The following NEDD4 variants were observed in gnomAD, a reference collection of about 807,000 sequenced individuals.
NEDD4 encodes the protein NEDD4 E3 ubiquitin protein ligase.
NEDD4 carries 99 observed loss-of-function variants against 144.9 expected under a neutral mutation model. The ratio of observed to expected loss-of-function variants is 0.68; its 90% CI spans 0.58 to 0.81. NEDD4 has a LOEUF of 0.81. Among genes scored for constraint, NEDD4 ranks in the 30% least tolerant of loss-of-function variants. The probability of loss-of-function intolerance (pLI) is 0.00; values close to 1 mark genes in which losing one functional copy is unlikely to be tolerated. For synonymous variants in NEDD4, 318 were observed against 350.6 expected (o/e 0.91, Z 1.04); for missense variants, 985 against 1,065.9 (o/e 0.92, Z 1.06).
chr15:55,894,299 T>C (rs1261505850), intron 5 of NEDD4, among the ~76,000 whole-genome samples: 1 of 152,242 alleles, frequency 6.6e-6, no homozygotes, highest in Non-Finnish European at 1.5e-5. Flanking sequence ...AGTATTTACA[T>C]AGTGTTTACA....
chr15:55,901,624 G>C (rs1369558898), intron 5 of NEDD4, among the ~76,000 whole-genome samples: 10 of 152,120 alleles, frequency 6.6e-5, no homozygotes. Flanking sequence ...TGCTTCCCCA[G>C]ATTCGTGGTC....
intron 1 of NEDD4, among the ~76,000 whole-genome samples, chr15:55,986,723 G>A (rs1272295757): frequency 1.3e-5 from 2 of 150,876 alleles, no homozygotes. Flanking sequence ...CCGAGTAGCT[G>A]GGACTACAGG....
intron 2 of NEDD4, among the ~76,000 whole-genome samples, chr15:55,966,223 G>A (rs1285231782): frequency 6.6e-6 from 1 of 152,136 alleles, no homozygotes; most frequent in Admixed American, 6.5e-5. Flanking sequence ...TTAGAATTTT[G>A]CAAATTTCCA....
chr15:55,988,487 TAAAAAAAAA>T (rs56688563), intron 1 of NEDD4, among the ~76,000 whole-genome samples: 1 of 101,712 alleles, frequency 9.8e-6, no homozygotes, highest in East Asian at 2.9e-4. Context: ...AAAAAAAAAT[TAAAAAAAAA>T]AAAAAAAAAA....
chr15:55,966,182 T>C (rs71476759), intron 2 of NEDD4, among the ~76,000 whole-genome samples: 5 of 152,222 alleles, frequency 3.3e-5, no homozygotes, highest in African/African-American at 1.2e-4. Context: ...GTCCAGAGTT[T>C]ATGGTTGTTA....
intron 5 of NEDD4, among the ~76,000 whole-genome samples, chr15:55,893,896 T>C (rs892086344): frequency 2.0e-5 from 3 of 151,484 alleles, no homozygotes; most frequent in Non-Finnish European, 2.9e-5. Context: ...ATAAACAAAA[T>C]TGCATTTGTA....
chr15:55,840,774 A>T (rs371344503), intron 19 of NEDD4, 47 bp from the exon 20 acceptor site: 1 of 1,545,344 alleles, frequency 6.5e-7, no homozygotes, highest in Non-Finnish European at 8.8e-7. Flanking sequence ...AAACTTTAAT[A>T]TGACAAATAA....
chr15:55,831,163 G>T (rs1595718753), intron 27 of NEDD4, among the ~76,000 whole-genome samples: 1 of 152,280 alleles, frequency 6.6e-6, no homozygotes, highest in Non-Finnish European at 1.5e-5. Flanking sequence ...CAGGTGATCT[G>T]CCTGCCTCAG....
intron 11 of NEDD4, 28 bp downstream of exon 11, chr15:55,860,379 G>A (rs548024439): frequency 2.5e-6 from 4 of 1,610,238 alleles, no homozygotes; most frequent in South Asian, 2.2e-5. Flanking sequence ...AACTACTGAA[G>A]CCGTAACAAA....
In NEDD4 at chr15:55,828,834, A is replaced by T. The variant is rs191561637; in HGVS notation, c.*1063T>A. On this transcript the variant is annotated 3_prime_UTR_variant, in exon 29 of 29. Coordinates refer to ENST00000435532, the MANE Select transcript of NEDD4 (RefSeq NM_006154.4). Reference sequence around the variant, plus strand: ...ATAAATTTAATACAAATTATGCATTATAACAACTCTTTGGTTATTTTAAAC... The same window carrying T: ...ATAAATTTAATACAAATTATGCATTTTAACAACTCTTTGGTTATTTTAAAC... The T allele has an allele frequency of 3.7e-3, 570 of 152,792 alleles. 3 individuals carry two copies. Among genetic ancestry groups the T allele is most frequent in the Non-Finnish European group, 5.2e-3 (354 of 68,034 alleles). The allele number at this position is 152,792 out of a possible 1,614,324, so 9.5% of individuals were successfully genotyped here.
At chr15:55,938,809 CAAAAT>C (rs1489147431) in intron 4 of NEDD4, among the ~76,000 whole-genome samples, 1 of 151,192 alleles carries the variant, frequency 6.6e-6, no homozygotes, top group Non-Finnish European at 1.5e-5. Flanking sequence ...ACAACAATAA[CAAAAT>C]AAAATAAACT....
At position 55,835,778 on chromosome 15, in the gene NEDD4, A is replaced by G. The variant is rs112395032; in HGVS notation, c.2263-1492T>C. 2.6e-5 allele frequency among the ~76,000 whole-genome samples: 4 copies of G among 151,760 alleles called. 1 individual carries two copies. Among genetic ancestry groups the G allele is most frequent in the South Asian group, 2.1e-4 (1 of 4,758 alleles). ...CCAAGATTACTGTAGCACTTTCCCA[A>G]CTCTGCTGGGAAGTCTCTGCTGCTA... On this transcript the variant is annotated intron_variant, in intron 24 of 28. Coordinates refer to ENST00000435532, the MANE Select transcript of NEDD4 (RefSeq NM_006154.4).
intron 4 of NEDD4, among the ~76,000 whole-genome samples, chr15:55,946,424 T>C (rs2037114297): frequency 6.6e-6 from 1 of 152,172 alleles, no homozygotes; most frequent in Non-Finnish European, 1.5e-5. Flanking sequence ...CATTACATAA[T>C]GGTAAAGGGA....
Position 55,966,475 on chromosome 15 carries a change from A to G in NEDD4, c.117T>C (p.Ala39=), listed in dbSNP as rs768959008. 2.6e-6 allele frequency: 4 copies of G among 1,510,440 alleles called. No individual in the cohort carries two copies. The highest frequency in any genetic ancestry group is 2.6e-5 in the South Asian group (2 of 78,304). 93.6% of individuals were successfully genotyped at this position (1,510,440 alleles called of 1,614,324 possible). A position where few individuals can be genotyped will look rare whatever the true frequency, so the allele number is the denominator to read the frequency against. The change falls in exon 2 of 29, where the codon GCT becomes GCC. Residue 39 remains alanine, a splice_region_variant and synonymous_variant. Transcript: ENST00000435532. ...IGLAKKDILG[A]SDPYVRVTLY... ...ATAATCCAAATAGATATACTTACCT[A>G]GCTCCCAATATATCCTTCTTGGCAA...
intron 1 of NEDD4, among the ~76,000 whole-genome samples, chr15:55,979,564 A>T (rs1176592768): frequency 6.6e-6 from 1 of 150,950 alleles, no homozygotes; most frequent in African/African-American, 2.4e-5. Flanking sequence ...CTTGTTAGCC[A>T]GGATGGTCTC....
intron 2 of NEDD4, among the ~76,000 whole-genome samples, chr15:55,963,912 T>C (rs1310881219): frequency 6.6e-6 from 1 of 152,178 alleles, no homozygotes; most frequent in Non-Finnish European, 1.5e-5. Context: ...TATGGATTGA[T>C]GGTTGTTATT....
At chr15:55,945,556 G>C (rs1355321691) in intron 4 of NEDD4, among the ~76,000 whole-genome samples, 1 of 152,110 alleles carries the variant, frequency 6.6e-6, no homozygotes, top group Non-Finnish European at 1.5e-5. Context: ...AAAGTGACAG[G>C]GAGAATGGAA....
chr15:55,948,987 CAA>C (rs1334784051), intron 4 of NEDD4, among the ~76,000 whole-genome samples: 1 of 152,132 alleles, frequency 6.6e-6, no homozygotes, highest in African/African-American at 2.4e-5. Context: ...TTCTGCACAA[CAA>C]AAGAAACTAC....
At chr15:55,980,205 T>A (rs1376785969) in intron 1 of NEDD4, among the ~76,000 whole-genome samples, 2 of 152,228 alleles carry the variant, frequency 1.3e-5, no homozygotes, top group African/African-American at 4.8e-5. Flanking sequence ...AGTGCTGGGA[T>A]TTCAGGCGTG....
Sources: allele counts gnomAD v4.1 joint callset (sites outside exome capture counted in the v4.1 genomes callset), GRCh38; gene constraint gnomAD v4.1.1; transcripts MANE v1.5; gene names NCBI Gene and HGNC (gene_info 2026-07-23, HGNC 2026-07-21).